Variants in CSMD1 observed in about 807,000 individuals in gnomAD.
The protein encoded by CSMD1 is CUB and Sushi multiple domains 1.
CSMD1 carries 213 observed loss-of-function variants against 417.5 expected under a neutral mutation model. The ratio of observed to expected loss-of-function variants is 0.51; its 90% CI spans 0.46 to 0.57. CSMD1 has a LOEUF of 0.57. Among genes scored for constraint, CSMD1 ranks in the 20% least tolerant of loss-of-function variants. The pLI, the probability that CSMD1 is intolerant of heterozygous loss-of-function variation, is 0.00. For missense variants in CSMD1, 6,923 were observed against 4,529.7 expected, an observed-to-expected ratio of 1.53 and a Z score of -15.17; for synonymous variants, 2,862 against 1,736.8, an observed-to-expected ratio of 1.65 and a Z score of -16.11.
intron 2 of CSMD1, among the ~76,000 whole-genome samples, chr8:4,470,366 CCT>C (rs906157129): frequency 5.3e-5 from 8 of 152,298 alleles, no homozygotes; most frequent in African/African-American, 1.9e-4. Context: ...CCCAATGCTT[CCT>C]CTCTCTTCCC....
intron 2 of CSMD1, among the ~76,000 whole-genome samples, chr8:4,583,696 C>G (rs1373814783): frequency 6.6e-6 from 1 of 152,128 alleles, no homozygotes; most frequent in East Asian, 1.9e-4. Context: ...ACCTTTGTAT[C>G]TAGCTCAGGC....
chr8:3,801,509 C>T (rs553903842), intron 5 of CSMD1, among the ~76,000 whole-genome samples: 11 of 152,224 alleles, frequency 7.2e-5, no homozygotes, highest in South Asian at 2.1e-4. Flanking sequence ...GGAACCCTCT[C>T]GTGTTGCTTG....
intron 1 of CSMD1, among the ~76,000 whole-genome samples, chr8:4,666,009 G>A (rs910135219): frequency 4.6e-5 from 7 of 152,156 alleles, no homozygotes; most frequent in African/African-American, 7.2e-5. Context: ...ATCGGCAGCA[G>A]CACTTGTTGT....
At chr8:3,294,698 C>T (rs1278632674) in intron 25 of CSMD1, among the ~76,000 whole-genome samples, 1 of 152,144 alleles carries the variant, frequency 6.6e-6, no homozygotes, top group South Asian at 2.1e-4. Flanking sequence ...GTGGGAGTGA[C>T]CCGATTTTCC....
intron 54 of CSMD1, among the ~76,000 whole-genome samples, chr8:2,979,399 C>T (rs1004277144): frequency 4.1e-4 from 62 of 152,320 alleles, no homozygotes; most frequent in African/African-American, 1.4e-3. Context: ...CTGCGGCATG[C>T]GGGACATGCT....
intron 18 of CSMD1, among the ~76,000 whole-genome samples, chr8:3,378,138 A>G (rs979763489): frequency 6.6e-6 from 1 of 152,250 alleles, no homozygotes; most frequent in African/African-American, 2.4e-5. Context: ...CATTCAATTA[A>G]TAAGTTTTAT....
At chr8:4,065,874 C>T (rs1353799869) in intron 3 of CSMD1, among the ~76,000 whole-genome samples, 5 of 152,188 alleles carry the variant, frequency 3.3e-5, no homozygotes, top group African/African-American at 1.2e-4. Context: ...CCTTCACTGT[C>T]TTCCATAAGA....
chr8:4,414,536 G>C (rs1205539875), intron 3 of CSMD1, among the ~76,000 whole-genome samples: 2 of 152,066 alleles, frequency 1.3e-5, no homozygotes, highest in Middle Eastern at 3.2e-3. Context: ...TAGTTTATAA[G>C]TAATAAACTA....
chr8:4,218,101 G>A (rs1273278366), intron 3 of CSMD1, among the ~76,000 whole-genome samples: 4 of 152,094 alleles, frequency 2.6e-5, no homozygotes, highest in African/African-American at 4.8e-5. Flanking sequence ...TTTTGCAATC[G>A]GACATTGGCG....
At chr8:4,943,352 C>A (rs1036935032) in intron 1 of CSMD1, among the ~76,000 whole-genome samples, 2 of 151,876 alleles carry the variant, frequency 1.3e-5, no homozygotes, top group South Asian at 2.1e-4. Context: ...AAAAATTAGC[C>A]GGGCGTGGTG....
At chr8:4,540,771 C>G (rs1032809556) in intron 2 of CSMD1, among the ~76,000 whole-genome samples, 8 of 152,030 alleles carry the variant, frequency 5.3e-5, no homozygotes, top group Non-Finnish European at 8.8e-5. Context: ...CTTAATCATC[C>G]CGGACCAGTG....
chr8:4,911,422 C>G lies in CSMD1; in HGVS notation c.85+82910G>C, dbSNP rs569955806. Among the ~76,000 whole-genome samples the G allele has an allele frequency of 3.3e-5, 5 of 152,304 alleles. No individual in the cohort carries two copies. In the East Asian group the frequency reaches 9.7e-4, roughly 29 times the overall value. On this transcript the variant is annotated intron_variant, in intron 1 of 69. Transcript: ENST00000635120. ...GTTAGGTAATTCCCTTGACCTCTGA[C>G]ACAGCATATTTTTCCAGGTCCCATG...
At position 4,180,623 on chromosome 8, in the gene CSMD1, G is replaced by GAAAAA. The variant is rs777887398; in HGVS notation, c.416-148525_416-148524insTTTTT. On this transcript the variant is annotated intron_variant, in intron 3 of 69. Coordinates refer to ENST00000635120, the MANE Select transcript of CSMD1 (RefSeq NM_033225.6). The stretch of plus-strand genomic sequence containing the variant: ...ATAAAATAAAATACAAAACAAAACA[G>GAAAAA]AACAAAACAAAACAAAAGAAGTTCT... 2.9e-3 allele frequency among the ~76,000 whole-genome samples: 438 copies of GAAAAA among 151,618 alleles called. 7 individuals are homozygous for GAAAAA. Among genetic ancestry groups the GAAAAA allele is most frequent in the Non-Finnish European group, 3.0e-3 (201 of 67,842 alleles).
chr8:4,060,143 A>G (rs993885314), intron 3 of CSMD1, among the ~76,000 whole-genome samples: 3 of 152,184 alleles, frequency 2.0e-5, no homozygotes, highest in South Asian at 2.1e-4. Context: ...TTCAACATAT[A>G]CAAATCAATA....
chr8:3,298,805 T>C (rs747609895), intron 25 of CSMD1, among the ~76,000 whole-genome samples: 3 of 152,170 alleles, frequency 2.0e-5, no homozygotes, highest in Admixed American at 1.3e-4. Context: ...GAAGTCTTAA[T>C]AGTGATTGTC....
chr8:4,141,820 A>G (rs1312679062), intron 3 of CSMD1, among the ~76,000 whole-genome samples: 1 of 151,178 alleles, frequency 6.6e-6, no homozygotes, highest in Non-Finnish European at 1.5e-5. Context: ...CTAACTGAAC[A>G]TATAATTCAT....
At chr8:3,111,457 C>G (rs545853944) in intron 42 of CSMD1, among the ~76,000 whole-genome samples, 3 of 152,210 alleles carry the variant, frequency 2.0e-5, no homozygotes, top group African/African-American at 7.2e-5. Flanking sequence ...GCTGGAGAAG[C>G]AAATTATCCC....
chr8:3,549,810 C>G (rs1273627807), intron 10 of CSMD1, among the ~76,000 whole-genome samples: 1 of 152,160 alleles, frequency 6.6e-6, no homozygotes, highest in South Asian at 2.1e-4. Flanking sequence ...CACTCCCTTT[C>G]TCTATAAACC....
chr8:4,164,633 T>C (rs1412708431), intron 3 of CSMD1, among the ~76,000 whole-genome samples: 1 of 152,134 alleles, frequency 6.6e-6, no homozygotes, highest in African/African-American at 2.4e-5. Flanking sequence ...CATACTTCTG[T>C]GATTGAGTCC....
Sources: gnomAD v4.1 joint callset for allele counts (sites outside exome capture counted in the v4.1 genomes callset) on GRCh38, gnomAD v4.1.1 for gene constraint, MANE v1.5 for transcripts, NCBI Gene and HGNC (gene_info 2026-07-23, HGNC 2026-07-21) for gene names.